The following ANKRD17 variants were observed in gnomAD, a reference collection of about 807,000 sequenced individuals.
The protein encoded by ANKRD17 is ankyrin repeat domain-containing protein 17.
In ANKRD17, 19 loss-of-function variants were observed where a neutral mutation model predicts 229.7. The ratio of observed to expected loss-of-function variants is 0.08; its 90% CI spans 0.06 to 0.12. The LOEUF is 0.12. Ranked by LOEUF, ANKRD17 falls within the 10% of genes least tolerant of loss-of-function variation. The pLI, the probability that ANKRD17 is intolerant of heterozygous loss-of-function variation, is 1.00. For synonymous variants in ANKRD17, 1,112 were observed against 1,146.1 expected (o/e 0.97, Z 0.60); for missense variants, 2,176 against 3,176.8 (o/e 0.68, Z 7.57).
chr4:73,252,954 A>C (rs2149286910), intron 1 of ANKRD17, among the ~76,000 whole-genome samples: 1 of 152,314 alleles, frequency 6.6e-6, no homozygotes, highest in East Asian at 1.9e-4. Flanking sequence ...AACTGCAAAA[A>C]AGCGTCTCCC....
chr4:73,125,165 C>A, intron 17 of ANKRD17, 36 bp downstream of exon 17: 1 of 1,587,844 alleles, frequency 6.3e-7, no homozygotes, highest in South Asian at 1.1e-5. Context: ...ATTTTTTGAC[C>A]AGTATTCCAA....
rs773354607 is a variant in ANKRD17, at chr4:73,091,083, G to T, written c.6545C>A (p.Pro2182His). 1.2e-6 allele frequency: 2 copies of T among 1,614,104 alleles called. No individual in the cohort carries two copies. The highest frequency in any genetic ancestry group is 1.7e-6 in the Non-Finnish European group (2 of 1,180,046). The change falls in exon 29 of 34, where the codon CCT becomes CAT. Residue 2182 changes from proline to histidine, a missense_variant. Pro to His is a moderately conservative substitution (Grantham distance 77, BLOSUM62 -2). This residue lies in a region of ANKRD17 where 424 missense variants were observed against 454.0 expected (regional missense o/e 0.93). Coordinates refer to ENST00000358602, the MANE Select transcript of ANKRD17 (RefSeq NM_032217.5). The part of the protein sequence containing the change: ...KMETPAIRPP[P>H]HGTTAPHKNS... ...CTTGTGAGGGGCAGTTGTGCCATGA[G>T]GGGGTGGTCTAATAGCAGGGGTTTC...
At chr4:73,146,932 C>T (rs925533497) in intron 9 of ANKRD17, 59 bp from the exon 10 acceptor site, 45 of 1,397,164 alleles carry the variant, frequency 3.2e-5, no homozygotes, top group Middle Eastern at 3.7e-4. Context: ...ACATATATGA[C>T]GAAAATAAAA....
At chr4:73,118,041 G>C (rs912878078) in intron 22 of ANKRD17, among the ~76,000 whole-genome samples, 1 of 151,740 alleles carries the variant, frequency 6.6e-6, no homozygotes, top group Non-Finnish European at 1.5e-5. Context: ...TTTGAGACGG[G>C]GTCGTACTCT....
intron 1 of ANKRD17, among the ~76,000 whole-genome samples, chr4:73,196,879 A>G (rs1645846335): frequency 6.6e-6 from 1 of 152,228 alleles, no homozygotes. Context: ...TACATTTTAA[A>G]GGGAATTGGA....
rs751111551 is a variant in ANKRD17 at position 73,115,785 on chromosome 4, T to C, written c.4284+36A>G. 2.7e-6 allele frequency: 4 copies of C among 1,494,708 alleles called. No homozygotes were observed. In the South Asian group the frequency reaches 4.6e-5, roughly 17 times the overall value. The allele number at this position is 1,494,708 out of a possible 1,614,324, so 92.6% of individuals were successfully genotyped here. On this transcript the variant is annotated intron_variant, in intron 23 of 33. Transcript: ENST00000358602. ...TAGAATGGAAGATATATTAACCGAA[T>C]AGAGTCCCTTGCTCATATAGTGAAC...
At chr4:73,253,715 G>A (rs895174937) in intron 1 of ANKRD17, among the ~76,000 whole-genome samples, 18 of 152,110 alleles carry the variant, frequency 1.2e-4, no homozygotes, top group Admixed American at 3.3e-4. Flanking sequence ...AATTTTAGGA[G>A]GCTTAAGGTA....
At chr4:73,080,558 T>C (rs1416347399) in intron 30 of ANKRD17, among the ~76,000 whole-genome samples, 1 of 152,212 alleles carries the variant, frequency 6.6e-6, no homozygotes, top group Admixed American at 6.5e-5. Flanking sequence ...AACAAAAGCT[T>C]GTTTTTTAAA....
chr4:73,137,989 T>C (rs1481426777), intron 15 of ANKRD17, among the ~76,000 whole-genome samples: 2 of 152,128 alleles, frequency 1.3e-5, no homozygotes, highest in Non-Finnish European at 2.9e-5. Context: ...AAAATTTTTT[T>C]AAACAACCAT....
At chr4:73,179,488 G>GTATGTATATATATA (rs1735198977) in intron 1 of ANKRD17, among the ~76,000 whole-genome samples, 1 of 48,238 alleles carries the variant, frequency 2.1e-5, no homozygotes, top group African/African-American at 8.8e-5. Flanking sequence ...GTGTGTGTGT[G>GTATGTATATATATA]TATATATATA....
intron 1 of ANKRD17, among the ~76,000 whole-genome samples, chr4:73,195,909 T>C (rs547323725): frequency 1.1e-3 from 168 of 152,290 alleles, no homozygotes; most frequent in African/African-American, 3.9e-3. Context: ...ATTACATTTT[T>C]TCACTGCCAG....
intron 1 of ANKRD17, among the ~76,000 whole-genome samples, chr4:73,216,938 T>C (rs1037825492): frequency 3.3e-5 from 5 of 152,184 alleles, no homozygotes; most frequent in African/African-American, 9.6e-5. Flanking sequence ...TTGGAAGATA[T>C]ATACTAAACC....
At chr4:73,248,726 CAT>C (rs1744724831) in intron 1 of ANKRD17, among the ~76,000 whole-genome samples, 1 of 151,788 alleles carries the variant, frequency 6.6e-6, no homozygotes, top group African/African-American at 2.4e-5. Context: ...TTAACTTATT[CAT>C]ATTTAACATA....
At chr4:73,177,599 G>A (rs1374343008) in intron 1 of ANKRD17, 66 bp from the exon 2 acceptor site, 3 of 1,235,252 alleles carry the variant, frequency 2.4e-6, no homozygotes, top group Non-Finnish European at 3.4e-6. Context: ...AGAGGGGAGA[G>A]AAATAAAAAG....
Position 73,074,293 on chromosome 4 carries a change from C to T in ANKRD17, c.*1938G>A, listed in dbSNP as rs1720874205. On this transcript the variant is annotated 3_prime_UTR_variant, in exon 34 of 34. Coordinates refer to ENST00000358602, the MANE Select transcript of ANKRD17 (RefSeq NM_032217.5). The stretch of plus-strand genomic sequence containing the variant: ...TAGCATCTGTTCTCCAGCAGGATTA[C>T]CTTAAATAGAAAATAACCCTAGTTA... The T allele has an allele frequency of 6.6e-6, 1 of 151,554 alleles. No homozygotes were observed. Among genetic ancestry groups the T allele is most frequent in the Non-Finnish European group, 1.5e-5 (1 of 67,794 alleles). 9.4% of individuals were successfully genotyped at this position (151,554 alleles called of 1,614,324 possible).
intron 16 of ANKRD17, among the ~76,000 whole-genome samples, chr4:73,133,722 T>C (rs575250684): frequency 2.0e-5 from 3 of 151,932 alleles, no homozygotes; most frequent in Non-Finnish European, 4.4e-5. Flanking sequence ...AAAGGCTATG[T>C]AGATGGTAGT....
chr4:73,098,740 G>C (rs561881333), intron 25 of ANKRD17: 1 of 957,378 alleles, frequency 1.0e-6, no homozygotes, highest in Admixed American at 2.0e-5. Flanking sequence ...AAAATATTTT[G>C]GGGGGCATTT....
At chr4:73,224,833 C>T (rs1435667471) in intron 1 of ANKRD17, among the ~76,000 whole-genome samples, 1 of 152,158 alleles carries the variant, frequency 6.6e-6, no homozygotes, top group African/African-American at 2.4e-5. Context: ...GCAGTTTGCA[C>T]CAGACTGGAG....
chr4:73,243,775 G>A (rs1744246077), intron 1 of ANKRD17, among the ~76,000 whole-genome samples: 2 of 152,174 alleles, frequency 1.3e-5, no homozygotes, highest in African/African-American at 4.8e-5. Flanking sequence ...TCTTAGATAT[G>A]GCTGCGTAAG....
Sources: allele counts gnomAD v4.1 joint callset (sites outside exome capture counted in the v4.1 genomes callset), GRCh38; gene constraint gnomAD v4.1.1; regional missense constraint gnomAD v4.1.1; transcripts MANE v1.5; gene names NCBI Gene and HGNC (gene_info 2026-07-23, HGNC 2026-07-21).